SMIM36: variants seen among roughly 807,000 people sequenced by gnomAD.
SMIM36 encodes small integral membrane protein 36.
the SMIM36 span, among the ~76,000 whole-genome samples, chr17:55,525,331 T>G: frequency 2.6e-5 from 4 of 152,238 alleles, no homozygotes; most frequent in Non-Finnish European, 5.9e-5. Context: ...ATTGATTGAT[T>G]GATTGCTGTT....
the SMIM36 span, among the ~76,000 whole-genome samples, chr17:55,522,105 A>G: frequency 1.3e-5 from 2 of 151,624 alleles, no homozygotes; most frequent in African/African-American, 4.9e-5. Flanking sequence ...TGGCTAACCT[A>G]CCTCTGTCCT....
At chr17:55,498,414 A>G (rs1208624089) in intron 1 of SMIM36, among the ~76,000 whole-genome samples, 3 of 152,102 alleles carry the variant, frequency 2.0e-5, no homozygotes, top group Non-Finnish European at 4.4e-5. Flanking sequence ...CAACACCCCC[A>G]TAAATGTGTC....
At chr17:55,484,116 A>G (rs28740770) in intron 1 of SMIM36, among the ~76,000 whole-genome samples, 1 of 152,162 alleles carries the variant, frequency 6.6e-6, no homozygotes, top group Non-Finnish European at 1.5e-5. Flanking sequence ...ATGATACAAA[A>G]TTTTTTAAAC....
chr17:55,455,144 C>G (rs945801824), intron 4 of SMIM36, among the ~76,000 whole-genome samples: 1 of 152,180 alleles, frequency 6.6e-6, no homozygotes, highest in Admixed American at 6.6e-5. Flanking sequence ...TACAGCCCAC[C>G]AGCAGTGTTT....
chr17:55,479,591 A>T lies in SMIM36; in HGVS notation c.*175-11T>A, dbSNP rs995019370. The T allele has an allele frequency of 3.3e-5, 5 of 152,226 alleles. No homozygotes were observed. Among genetic ancestry groups the T allele is most frequent in the South Asian group, 2.1e-4 (1 of 4,826 alleles). The allele number at this position is 152,226 out of a possible 1,614,324, so 9.4% of individuals were successfully genotyped here. A position where few individuals can be genotyped will look rare whatever the true frequency, so the allele number is the denominator to read the frequency against. On this transcript the variant is annotated splice_polypyrimidine_tract_variant and intron_variant, in intron 1 of 4. Coordinates refer to ENST00000636752, the Ensembl canonical transcript of SMIM36. ...AGAGTGAGACTCCATCTCAAAAAAT[A>T]AAAAAATAAAAAATAAACAAATAAA...
chr17:55,450,139 C>A (rs571275011), exon 5 of SMIM36: 2 of 152,242 alleles, frequency 1.3e-5, no homozygotes, highest in Admixed American at 6.5e-5. Context: ...GAAGAAGAGG[C>A]AGCAGTATGA....
intron 4 of SMIM36, among the ~76,000 whole-genome samples, chr17:55,465,087 A>G (rs566997017): frequency 6.6e-6 from 1 of 152,372 alleles, no homozygotes; most frequent in East Asian, 1.9e-4. Context: ...GGGCAGCAAG[A>G]GAGCTCTGTG....
intron 1 of SMIM36, among the ~76,000 whole-genome samples, chr17:55,501,194 C>T (rs796303001): frequency 0.018 from 44 of 2,496 alleles, 4 homozygotes; most frequent in African/African-American, 0.079. Context: ...TATAATATAT[C>T]TTATATATTA....
chr17:55,493,262 G>A (rs1248799005), intron 1 of SMIM36, among the ~76,000 whole-genome samples: 3 of 152,184 alleles, frequency 2.0e-5, no homozygotes, highest in Non-Finnish European at 4.4e-5. Context: ...AAGGTCCTTG[G>A]CATGTTGTTA....
intron 4 of SMIM36, among the ~76,000 whole-genome samples, chr17:55,464,394 TC>T (rs1217480387): frequency 6.6e-6 from 1 of 152,198 alleles, no homozygotes; most frequent in African/African-American, 2.4e-5. Flanking sequence ...TTCAGTGCTT[TC>T]ATCTGGAACA....
the SMIM36 span, among the ~76,000 whole-genome samples, chr17:55,531,120 C>A: frequency 3.3e-5 from 5 of 152,180 alleles, no homozygotes; most frequent in Admixed American, 1.3e-4. Flanking sequence ...TCATTATCAA[C>A]TTTCAGTGGC....
upstream of SMIM36, chr17:55,511,566 C>T (rs531113002): frequency 1.9e-5 from 6 of 308,114 alleles, no homozygotes; most frequent in Admixed American, 5.0e-5. Context: ...GTCATCAGTT[C>T]GCCTACACAG....
At chr17:55,519,935 G>C in the SMIM36 span, among the ~76,000 whole-genome samples, 1 of 152,150 alleles carries the variant, frequency 6.6e-6, no homozygotes, top group African/African-American at 2.4e-5. Flanking sequence ...AACAAATTTC[G>C]TGGCTTAAAA....
At chr17:55,519,156 G>A in the SMIM36 span, among the ~76,000 whole-genome samples, 5 of 152,348 alleles carry the variant, frequency 3.3e-5, no homozygotes, top group African/African-American at 1.2e-4. Flanking sequence ...GTGCTGGGCA[G>A]TGTTGAATTC....
intron 1 of SMIM36, among the ~76,000 whole-genome samples, chr17:55,487,654 T>C (rs555891719): frequency 6.6e-5 from 10 of 152,190 alleles, no homozygotes; most frequent in Non-Finnish European, 1.2e-4. Context: ...AACTGAGGGA[T>C]GCCTGGGTCA....
chr17:55,518,232 T>C, the SMIM36 span, among the ~76,000 whole-genome samples: 1 of 152,204 alleles, frequency 6.6e-6, no homozygotes, highest in East Asian at 1.9e-4. Flanking sequence ...TGAAGAGGGC[T>C]GAATTTGTCA....
the SMIM36 span, among the ~76,000 whole-genome samples, chr17:55,529,947 G>A: frequency 6.6e-6 from 1 of 152,208 alleles, no homozygotes; most frequent in Non-Finnish European, 1.5e-5. Context: ...CCATCTTGCT[G>A]ATAAACTGAG....
At chr17:55,518,293 G>T in the SMIM36 span, among the ~76,000 whole-genome samples, 1 of 152,152 alleles carries the variant, frequency 6.6e-6, no homozygotes, top group African/African-American at 2.4e-5. Context: ...CACAATAAAA[G>T]GATTAATCCA....
At chr17:55,474,023 C>T (rs1203103369) in intron 3 of SMIM36, among the ~76,000 whole-genome samples, 1 of 152,032 alleles carries the variant, frequency 6.6e-6, no homozygotes, top group African/African-American at 2.4e-5. Flanking sequence ...GCATGCAGCC[C>T]CCAGTCACAT....
Sources: gnomAD v4.1 joint callset for allele counts (sites outside exome capture counted in the v4.1 genomes callset) on GRCh38, gnomAD v4.1.1 for gene constraint, MANE v1.5 for transcripts, NCBI Gene and HGNC (gene_info 2026-07-23, HGNC 2026-07-21) for gene names.